TOP2B: variants seen among roughly 807,000 people sequenced by gnomAD.
The protein encoded by TOP2B is DNA topoisomerase 2-beta.
Under a neutral mutation model 193.5 loss-of-function variants are expected in TOP2B, and 51 were observed. That is an observed-to-expected ratio of 0.26 (90% CI 0.21 to 0.33). The LOEUF (loss-of-function observed/expected upper bound fraction) is 0.33, where lower values mean the gene tolerates loss of function less well. TOP2B is among the 10% of genes least tolerant of loss of function. The probability of loss-of-function intolerance (pLI) is 1.00; values close to 1 mark genes in which losing one functional copy is unlikely to be tolerated. For synonymous variants in TOP2B, 634 were observed against 635.7 expected (o/e 1.00, Z 0.04); for missense variants, 1,378 against 1,909.3 (o/e 0.72, Z 5.19).
At chr3:25,629,634 T>C (rs1305591465) in intron 13 of TOP2B, among the ~76,000 whole-genome samples, 1 of 152,202 alleles carries the variant, frequency 6.6e-6, no homozygotes. Flanking sequence ...TCTGAAATTC[T>C]TCCTTTTCAA....
intron 6 of TOP2B, among the ~76,000 whole-genome samples, chr3:25,636,690 G>T (rs1396851202): frequency 6.6e-6 from 1 of 151,926 alleles, no homozygotes; most frequent in African/African-American, 2.4e-5. Context: ...TCTTCAACGT[G>T]ACTATATAGA....
chr3:25,636,639 A>G (rs992542994), intron 6 of TOP2B, among the ~76,000 whole-genome samples: 4 of 151,990 alleles, frequency 2.6e-5, no homozygotes, highest in Admixed American at 2.0e-4. Context: ...AAATAAACTA[A>G]ACTGTACAAC....
chr3:25,634,418 C>T lies in TOP2B; in HGVS notation c.853-404G>A, dbSNP rs182200822. On this transcript the variant is annotated intron_variant, in intron 7 of 35. Coordinates refer to ENST00000264331, the MANE Select transcript of TOP2B (RefSeq NM_001330700.2). ...TGAACCCACTGAAGAACTGAGATCA[C>T]AGGAGAGCTGGCCATCCTGAAGTCT... Among the ~76,000 whole-genome samples the T allele has an allele frequency of 1.6e-4, 24 of 152,128 alleles. 1 individual carries two copies. The East Asian group carries it at 4.6e-3, about 29-fold the overall frequency.
chr3:25,614,396 T>C (rs923495429), intron 27 of TOP2B, among the ~76,000 whole-genome samples: 16 of 151,962 alleles, frequency 1.1e-4, no homozygotes, highest in Non-Finnish European at 2.2e-4. Context: ...GGAAACAATG[T>C]GCAAAAAAAC....
In TOP2B at chr3:25,623,454, C is replaced by T. The variant is rs772104827; in HGVS notation, c.2727+61G>A. On this transcript the variant is annotated intron_variant, in intron 21 of 35. Transcript: ENST00000264331. The stretch of plus-strand genomic sequence containing the variant: ...ATGTTCCATTACTTTTCTAAAATGA[C>T]GGGAATTTGTAGTTTACACATTATC... The T allele has an allele frequency of 9.4e-5, 135 of 1,442,352 alleles. 1 individual carries two copies. Among genetic ancestry groups the T allele is most frequent in the African/African-American group, 4.2e-4 (30 of 70,634 alleles). The allele number at this position is 1,442,352 out of a possible 1,614,324, so 89.3% of individuals were successfully genotyped here.
At chr3:25,628,219 T>C (rs1702861646) in intron 15 of TOP2B, among the ~76,000 whole-genome samples, 1 of 147,566 alleles carries the variant, frequency 6.8e-6, no homozygotes, top group East Asian at 2.0e-4. Context: ...CTCACACCTG[T>C]AATCCCAATA....
chr3:25,648,645 C>A (rs1181293440), intron 1 of TOP2B, among the ~76,000 whole-genome samples: 2 of 152,126 alleles, frequency 1.3e-5, no homozygotes, highest in East Asian at 3.9e-4. Flanking sequence ...TCCCTTGAGC[C>A]CAGAGCTCAA....
chr3:25,601,185 G>A lies in TOP2B; in HGVS notation c.4530C>T (p.Ala1510=). The stretch of plus-strand genomic sequence containing the variant: ...CCTCTACTACTTTCTTCTGTTTTGG[G>A]GCTCTCTTGGGCTTAGGGACTGTAT... ...SSDTVPKPKR[A]PKQKKVVEAV... is the part of the protein sequence containing the mutation. Residue 1510 remains alanine, a synonymous_variant, in exon 34 of 36, where the codon GCC becomes GCT. Transcript: ENST00000264331. 6.2e-7 allele frequency: 1 copy of A among 1,613,606 alleles called. No individual in the cohort carries two copies. The highest frequency in any genetic ancestry group is 8.5e-7 in the Non-Finnish European group (1 of 1,179,690).
intron 1 of TOP2B, among the ~76,000 whole-genome samples, chr3:25,651,172 TTAAA>T (rs1279161514): frequency 1.3e-5 from 2 of 152,084 alleles, no homozygotes; most frequent in African/African-American, 2.4e-5. Flanking sequence ...TACAGATCAC[TTAAA>T]TATAGTATAG....
chr3:25,606,728 A>C (rs1437764364), intron 31 of TOP2B, among the ~76,000 whole-genome samples: 1 of 152,196 alleles, frequency 6.6e-6, no homozygotes, highest in Non-Finnish European at 1.5e-5. Context: ...TCAAGGCCAA[A>C]TTTAGGGAAG....
intron 1 of TOP2B, among the ~76,000 whole-genome samples, chr3:25,655,941 A>G (rs1338731791): frequency 1.3e-5 from 2 of 152,174 alleles, no homozygotes; most frequent in East Asian, 1.9e-4. Flanking sequence ...ACTTCTAGAG[A>G]TCTGTTGCTT....
At chr3:25,625,904 G>T (rs1445502354) in intron 18 of TOP2B, among the ~76,000 whole-genome samples, 1 of 152,210 alleles carries the variant, frequency 6.6e-6, no homozygotes, top group Non-Finnish European at 1.5e-5. Context: ...TGGTATAGAA[G>T]TTTAGGTATC....
intron 1 of TOP2B, among the ~76,000 whole-genome samples, chr3:25,651,357 ATAT>A (rs1703583585): frequency 6.6e-6 from 1 of 151,984 alleles, no homozygotes; most frequent in Admixed American, 6.6e-5. Context: ...TCACCTGAAG[ATAT>A]GTTATGTAAT....
rs1575568680 is a variant in TOP2B at position 25,618,694 on chromosome 3, G to C, written c.3219C>G (p.Ala1073=). 1 of 1,612,918 alleles carries C rather than the reference G, an allele frequency of 6.2e-7. No homozygotes were observed. The highest frequency in any genetic ancestry group is 1.1e-5 in the South Asian group (1 of 90,920). Residue 1073 remains alanine, a synonymous_variant, in exon 24 of 36, where the codon GCC becomes GCG. Coordinates refer to ENST00000264331, the MANE Select transcript of TOP2B (RefSeq NM_001330700.2). ...CTTGTATCTTCTCTAAAATGAAACG[G>C]GCTTGATTGTTAAGCTTTGTAGATT... ...GAESTKLNNQ[A]RFILEKIQGK... is the part of the protein sequence containing the mutation.
intron 1 of TOP2B, among the ~76,000 whole-genome samples, chr3:25,663,330 C>A (rs1397872366): frequency 6.6e-6 from 1 of 152,142 alleles, no homozygotes; most frequent in Non-Finnish European, 1.5e-5. Flanking sequence ...CGTCAAAAGT[C>A]CAGAAAAATG....
Position 25,630,786 on chromosome 3 carries a change from A to C in TOP2B, c.1405+15T>G, listed in dbSNP as rs988584408. The C allele has an allele frequency of 6.6e-7, 1 of 1,516,906 alleles. No homozygotes were observed. Among genetic ancestry groups the C allele is most frequent in the Non-Finnish European group, 8.8e-7 (1 of 1,139,496 alleles). 94.0% of individuals were successfully genotyped at this position (1,516,906 alleles called of 1,614,324 possible). On this transcript the variant is annotated intron_variant, in intron 11 of 35. Coordinates refer to ENST00000264331, the MANE Select transcript of TOP2B (RefSeq NM_001330700.2). Reference sequence around the variant, plus strand: ...AAACTTAAATCAAAATCTTATTTAAAAATATCAATCTTACCAGCATCATTA... The same window carrying C: ...AAACTTAAATCAAAATCTTATTTAACAATATCAATCTTACCAGCATCATTA...
chr3:25,650,910 T>C (rs546764800), intron 1 of TOP2B, among the ~76,000 whole-genome samples: 74 of 152,354 alleles, frequency 4.9e-4, no homozygotes, highest in South Asian at 1.0e-3. Context: ...TGATGTTTGT[T>C]CTTGCTTCAA....
intron 9 of TOP2B, 31 bp from the exon 10 acceptor site, chr3:25,632,614 T>C (rs748715023): frequency 6.2e-7 from 1 of 1,604,042 alleles, no homozygotes; most frequent in Non-Finnish European, 8.5e-7. Flanking sequence ...AAAGTCAATA[T>C]CAGAGCTGAT....
intron 1 of TOP2B, among the ~76,000 whole-genome samples, chr3:25,659,327 TAA>T (rs1703841892): frequency 6.6e-6 from 1 of 152,182 alleles, no homozygotes. Flanking sequence ...AAGGAAGAGA[TAA>T]GAGATACTTA....
Sources: gnomAD v4.1 joint callset for allele counts (sites outside exome capture counted in the v4.1 genomes callset) on GRCh38, gnomAD v4.1.1 for gene constraint, MANE v1.5 for transcripts, NCBI Gene and HGNC (gene_info 2026-07-23, HGNC 2026-07-21) for gene names.